The following STPG2 variants were observed in gnomAD, a reference collection of about 807,000 sequenced individuals.
STPG2 encodes the protein sperm tail PG-rich repeat containing 2, also known as sperm-tail PG-rich repeat-containing protein 2.
Under a neutral mutation model 54.2 loss-of-function variants are expected in STPG2, and 56 were observed. That is an observed-to-expected ratio of 1.03 (90% confidence interval 0.83 to 1.29). STPG2 has a LOEUF of 1.29. STPG2 is among the 50% of genes most tolerant of loss of function. The probability of loss-of-function intolerance (pLI) is 0.00; values close to 1 mark genes in which losing one functional copy is unlikely to be tolerated. For synonymous variants in STPG2, 200 were observed against 181.8 expected (o/e 1.10, Z -0.81); for missense variants, 596 against 544.9 (o/e 1.09, Z -0.93).
intron 10 of STPG2, among the ~76,000 whole-genome samples, chr4:97,585,198 G>T (rs1294474675): frequency 1.3e-5 from 2 of 150,886 alleles, no homozygotes; most frequent in African/African-American, 4.9e-5. Flanking sequence ...TTCTACCAGG[G>T]ATGCAGGGAT....
At chr4:97,473,042 G>T (rs113903761) in intron 4 of STPG2, among the ~76,000 whole-genome samples, 4,285 of 152,202 alleles carry the variant, frequency 0.028, 95 homozygotes, top group Non-Finnish European at 0.046. Context: ...TCCTATGCCT[G>T]TCTTTACTTT....
intron 10 of STPG2, among the ~76,000 whole-genome samples, chr4:97,620,558 A>G (rs960920597): frequency 1.1e-4 from 17 of 152,200 alleles, no homozygotes; most frequent in African/African-American, 4.1e-4. Flanking sequence ...AGGGCAACAC[A>G]TATCGGTAAA....
At chr4:97,906,997 G>C (rs528201515) in intron 8 of STPG2, among the ~76,000 whole-genome samples, 301 of 150,158 alleles carry the variant, frequency 2.0e-3, no homozygotes, top group African/African-American at 5.7e-3. Context: ...ATTCAACATA[G>C]TGTTGGAAGT....
chr4:97,733,877 G>C (rs1477668960), intron 9 of STPG2, among the ~76,000 whole-genome samples: 1 of 152,212 alleles, frequency 6.6e-6, no homozygotes, highest in Non-Finnish European at 1.5e-5. Context: ...GTTTCTCTCA[G>C]TGGGAGAGGC....
chr4:97,876,473 C>A (rs6826803), intron 8 of STPG2, among the ~76,000 whole-genome samples: 3,758 of 151,960 alleles, frequency 0.025, 102 homozygotes, highest in African/African-American at 0.072. Flanking sequence ...AAAAAGGAGT[C>A]AATTAATTTT....
chr4:97,710,572 C>T (rs527914527), intron 10 of STPG2, among the ~76,000 whole-genome samples: 1 of 151,968 alleles, frequency 6.6e-6, no homozygotes, highest in Non-Finnish European at 1.5e-5. Context: ...AAATCAATAT[C>T]ATGCATTTCT....
chr4:97,796,851 T>G (rs1727201467), intron 9 of STPG2, among the ~76,000 whole-genome samples: 1 of 152,246 alleles, frequency 6.6e-6, no homozygotes, highest in Admixed American at 6.5e-5. Flanking sequence ...TCCATTTGTT[T>G]ATGTCCTCTT....
chr4:97,908,016 A>C (rs78012203), intron 8 of STPG2, among the ~76,000 whole-genome samples: 1 of 152,324 alleles, frequency 6.6e-6, no homozygotes, highest in East Asian at 1.9e-4. Flanking sequence ...AAATTGACAA[A>C]TGGGATCTTA....
intron 10 of STPG2, among the ~76,000 whole-genome samples, chr4:97,560,524 C>T (rs1265205058): frequency 2.0e-5 from 3 of 152,114 alleles, no homozygotes; most frequent in Non-Finnish European, 2.9e-5. Flanking sequence ...TTATCAGACA[C>T]GAGCAATGAA....
At chr4:98,071,694 C>T (rs1468481756) in intron 5 of STPG2, among the ~76,000 whole-genome samples, 1 of 151,972 alleles carries the variant, frequency 6.6e-6, no homozygotes, top group Non-Finnish European at 1.5e-5. Context: ...TCAGCGACTA[C>T]AAGAAACTTA....
At chr4:97,858,232 T>C (rs1192825123) in intron 8 of STPG2, among the ~76,000 whole-genome samples, 1 of 151,926 alleles carries the variant, frequency 6.6e-6, no homozygotes, top group Non-Finnish European at 1.5e-5. Context: ...CAAACAAGAC[T>C]ACCTCAAGTC....
intron 5 of STPG2, among the ~76,000 whole-genome samples, chr4:97,994,775 G>T (rs184365624): frequency 2.0e-5 from 3 of 152,010 alleles, no homozygotes; most frequent in Admixed American, 1.3e-4. Context: ...TGTGTTGGTC[G>T]GCCCCAAGCT....
chr4:97,692,126 C>T (rs115356212), intron 10 of STPG2, among the ~76,000 whole-genome samples: 1 of 151,960 alleles, frequency 6.6e-6, no homozygotes, highest in Admixed American at 6.6e-5. Context: ...AAACAAGGTT[C>T]CTTAACACTC....
rs192240894 is a variant in STPG2 at position 97,537,467 on chromosome 4, C to A, written c.462+175232G>T. Reference sequence around the variant, plus strand: ...TGTTGCTAGCACAGCAGTCTGAGATCGAACTGCAAGGCAGCAGCAAGGCTG... The same window carrying A: ...TGTTGCTAGCACAGCAGTCTGAGATAGAACTGCAAGGCAGCAGCAAGGCTG... On this transcript the variant is annotated intron_variant, in intron 4 of 4. Coordinates refer to the STPG2 transcript ENST00000522676. Among the ~76,000 whole-genome samples the A allele has an allele frequency of 3.5e-3, 527 of 152,312 alleles. 4 individuals are homozygous for A. Among genetic ancestry groups the A allele is most frequent in the African/African-American group, 0.012 (490 of 41,572 alleles).
chr4:97,958,684 T>C (rs1206715679), intron 7 of STPG2, among the ~76,000 whole-genome samples: 3 of 152,082 alleles, frequency 2.0e-5, no homozygotes, highest in African/African-American at 7.2e-5. Context: ...CAATCCTAAA[T>C]ATATATGCAT....
At chr4:97,574,806 T>G (rs1362637936) in intron 10 of STPG2, among the ~76,000 whole-genome samples, 1 of 152,058 alleles carries the variant, frequency 6.6e-6, no homozygotes, top group Non-Finnish European at 1.5e-5. Context: ...TGCCATATTT[T>G]GGGATAGTGT....
At chr4:97,776,396 A>G (rs1260534838) in intron 9 of STPG2, among the ~76,000 whole-genome samples, 1 of 152,216 alleles carries the variant, frequency 6.6e-6, no homozygotes, top group Non-Finnish European at 1.5e-5. Flanking sequence ...CAAAGTCTGT[A>G]CTTGTAACCA....
chr4:97,834,100 A>G (rs1728560611), intron 9 of STPG2, among the ~76,000 whole-genome samples: 1 of 152,206 alleles, frequency 6.6e-6, no homozygotes, highest in Admixed American at 6.5e-5. Flanking sequence ...AAAGACTTGG[A>G]ACCAGCCCAA....
At chr4:97,720,840 G>A (rs1038804526) in intron 9 of STPG2, among the ~76,000 whole-genome samples, 2 of 151,870 alleles carry the variant, frequency 1.3e-5, no homozygotes, top group African/African-American at 2.4e-5. Flanking sequence ...TACTTTCAAA[G>A]CCTGTTATAA....
Sources: gnomAD v4.1 joint callset for allele counts (sites outside exome capture counted in the v4.1 genomes callset) on GRCh38, gnomAD v4.1.1 for gene constraint, MANE v1.5 for transcripts, NCBI Gene and HGNC (gene_info 2026-07-23, HGNC 2026-07-21) for gene names.